The following DCC variants were observed in gnomAD, a reference collection of about 807,000 sequenced individuals.
DCC encodes the protein DCC netrin 1 receptor.
Under a neutral mutation model 172.5 loss-of-function variants are expected in DCC, and 58 were observed. The observed-to-expected ratio is 0.34, with a 90% CI of 0.27 to 0.42. DCC has a LOEUF of 0.42. Among genes scored for constraint, DCC ranks in the 10% least tolerant of loss-of-function variants. DCC has a pLI of 1.00. For missense variants in DCC, 1,740 were observed against 1,791.0 expected (o/e 0.97, Z 0.51); for synonymous variants, 709 against 644.5 (o/e 1.10, Z -1.52).
chr18:53,079,189 A>T (rs1482335126), intron 7 of DCC, among the ~76,000 whole-genome samples: 1 of 152,148 alleles, frequency 6.6e-6, no homozygotes, highest in Non-Finnish European at 1.5e-5. Context: ...GATTTCATAA[A>T]TGGAAAAAAG....
chr18:52,739,273 C>T (rs992841645), intron 1 of DCC, among the ~76,000 whole-genome samples: 1 of 152,044 alleles, frequency 6.6e-6, no homozygotes, highest in Non-Finnish European at 1.5e-5. Context: ...AGAATTAGGT[C>T]CATTTTTTTT....
chr18:53,181,871 C>G (rs986220927), intron 9 of DCC, among the ~76,000 whole-genome samples: 2 of 152,166 alleles, frequency 1.3e-5, no homozygotes, highest in South Asian at 2.1e-4. Context: ...CAGATTTGCT[C>G]GTGGGCCCAT....
intron 1 of DCC, among the ~76,000 whole-genome samples, chr18:52,444,157 G>A (rs1988053258): frequency 6.6e-6 from 1 of 152,198 alleles, no homozygotes; most frequent in African/African-American, 2.4e-5. Context: ...GGGGCTACCT[G>A]AACCAGGTCT....
At chr18:52,700,048 CAAAA>C (rs34893826) in intron 1 of DCC, among the ~76,000 whole-genome samples, 1 of 140,592 alleles carries the variant, frequency 7.1e-6, no homozygotes. Context: ...TCTGTTTATG[CAAAA>C]AAAAAAAAAC....
intron 1 of DCC, among the ~76,000 whole-genome samples, chr18:52,612,384 A>G (rs1192745373): frequency 1.3e-5 from 2 of 151,996 alleles, no homozygotes; most frequent in Non-Finnish European, 2.9e-5. Flanking sequence ...TTTTGTGGTC[A>G]TCACTCATAC....
chr18:52,582,745 A>G (rs932862781), intron 1 of DCC, among the ~76,000 whole-genome samples: 1 of 152,188 alleles, frequency 6.6e-6, no homozygotes, highest in East Asian at 1.9e-4. Context: ...CTCAAATGGG[A>G]ATACTCTCTT....
At chr18:52,349,793 T>C (rs1178993743) in intron 1 of DCC, among the ~76,000 whole-genome samples, 4 of 152,180 alleles carry the variant, frequency 2.6e-5, no homozygotes, top group South Asian at 2.1e-4. Flanking sequence ...AACCAGATTA[T>C]AAATATTTAA....
At chr18:53,044,486 C>T (rs1781634147) in intron 5 of DCC, among the ~76,000 whole-genome samples, 1 of 151,720 alleles carries the variant, frequency 6.6e-6, no homozygotes, top group African/African-American at 2.4e-5. Flanking sequence ...TTACCCTTAA[C>T]TTTTTAGTAC....
At chr18:53,007,631 A>G (rs962420111) in intron 5 of DCC, among the ~76,000 whole-genome samples, 4 of 152,140 alleles carry the variant, frequency 2.6e-5, no homozygotes, top group Non-Finnish European at 5.9e-5. Flanking sequence ...ATACACACAC[A>G]TACATATAAA....
intron 1 of DCC, among the ~76,000 whole-genome samples, chr18:52,527,302 A>G (rs994757496): frequency 1.3e-5 from 2 of 152,244 alleles, no homozygotes; most frequent in African/African-American, 2.4e-5. Flanking sequence ...TTAGAAAGAA[A>G]CAAACATAGC....
chr18:52,611,354 G>A (rs527891629), intron 1 of DCC, among the ~76,000 whole-genome samples: 1 of 152,164 alleles, frequency 6.6e-6, no homozygotes, highest in Admixed American at 6.5e-5. Flanking sequence ...CATACTGATA[G>A]GTACAAATAT....
intron 12 of DCC, among the ~76,000 whole-genome samples, chr18:53,227,714 G>C (rs537199396): frequency 6.6e-6 from 1 of 152,142 alleles, no homozygotes; most frequent in Non-Finnish European, 1.5e-5. Flanking sequence ...GGAAATTACC[G>C]TGTCTTCTAC....
chr18:53,129,437 T>C (rs568833777), intron 7 of DCC, among the ~76,000 whole-genome samples: 4 of 152,066 alleles, frequency 2.6e-5, no homozygotes, highest in Admixed American at 2.6e-4. Context: ...AGGGCATTTT[T>C]ATTCCTCTAG....
intron 3 of DCC, among the ~76,000 whole-genome samples, chr18:52,909,487 G>A (rs186782884): frequency 1.3e-5 from 2 of 152,220 alleles, no homozygotes; most frequent in Admixed American, 1.3e-4. Context: ...TAGTTCATAA[G>A]AAGTGTTTGA....
intron 1 of DCC, among the ~76,000 whole-genome samples, chr18:52,510,732 T>C (rs1568205249): frequency 1.3e-5 from 2 of 152,224 alleles, no homozygotes; most frequent in African/African-American, 2.4e-5. Flanking sequence ...GGGAATGTAC[T>C]CTATTAGAAA....
At chr18:53,309,093 C>T (rs1041122579) in intron 13 of DCC, among the ~76,000 whole-genome samples, 3 of 151,912 alleles carry the variant, frequency 2.0e-5, no homozygotes, top group Non-Finnish European at 4.4e-5. Flanking sequence ...GCTGGAGTAC[C>T]GTGGCATGAT....
At chr18:52,716,266 C>G (rs751328659) in intron 1 of DCC, among the ~76,000 whole-genome samples, 1 of 152,210 alleles carries the variant, frequency 6.6e-6, no homozygotes, top group South Asian at 2.1e-4. Flanking sequence ...GGCACGTTGG[C>G]GGTTTTCTGG....
intron 16 of DCC, among the ~76,000 whole-genome samples, chr18:53,386,556 A>C (rs759579272): frequency 1.3e-5 from 2 of 152,120 alleles, no homozygotes; most frequent in Non-Finnish European, 2.9e-5. Flanking sequence ...TTCTCCACAC[A>C]GGGTCTTTCA....
At chr18:52,974,626 CA>C (rs1270818801) in intron 5 of DCC, among the ~76,000 whole-genome samples, 1 of 152,196 alleles carries the variant, frequency 6.6e-6, no homozygotes, top group East Asian at 1.9e-4. Flanking sequence ...TAAATAGTAA[CA>C]GTGTTTTCTG....
Sources: gnomAD v4.1 joint callset for allele counts (sites outside exome capture counted in the v4.1 genomes callset) on GRCh38, gnomAD v4.1.1 for gene constraint, MANE v1.5 for transcripts, NCBI Gene and HGNC (gene_info 2026-07-23, HGNC 2026-07-21) for gene names.